The following RBFOX3 variants were observed in gnomAD, a reference collection of about 807,000 sequenced individuals.
RBFOX3 encodes the protein RNA binding fox-1 homolog 3, also known as RNA binding protein fox-1 homolog 3.
Under a neutral mutation model 48.7 loss-of-function variants are expected in RBFOX3, and 17 were observed. The observed-to-expected ratio is 0.35, with a 90% CI of 0.24 to 0.52. The LOEUF is 0.52. Ranked by LOEUF, RBFOX3 falls within the 20% of genes least tolerant of loss-of-function variation. The pLI, the probability that RBFOX3 is intolerant of heterozygous loss-of-function variation, is 0.94. For missense variants in RBFOX3, 382 were observed against 497.5 expected (o/e 0.77, Z 2.21); for synonymous variants, 212 against 209.5 (o/e 1.01, Z -0.10).
chr17:79,360,849 CAG>C (rs1188704161), intron 2 of RBFOX3, among the ~76,000 whole-genome samples: 5 of 136,360 alleles, frequency 3.7e-5, no homozygotes, highest in Non-Finnish European at 7.8e-5. Flanking sequence ...TTTTAAGAAA[CAG>C]ATTAAATTAT....
chr17:79,240,628 T>C (rs533482283), intron 3 of RBFOX3, among the ~76,000 whole-genome samples: 5 of 152,346 alleles, frequency 3.3e-5, no homozygotes, highest in Non-Finnish European at 7.3e-5. Context: ...GATACTCTGA[T>C]GTTTCTCCTG....
intron 2 of RBFOX3, among the ~76,000 whole-genome samples, chr17:79,349,396 G>A (rs901796242): frequency 2.0e-5 from 3 of 151,888 alleles, no homozygotes; most frequent in African/African-American, 7.3e-5. Context: ...GGGGGCCACT[G>A]CTATTGCTCC....
rs11658793 is a variant in RBFOX3, at chr17:79,205,505, C to T, written c.-34+30261G>A. ...TGGGAGCCTATAAAACCTCCCTAAC[C>T]CCCAGCTAAGACAGGAAATCAGAAA... On this transcript the variant is annotated intron_variant, in intron 4 of 14. Coordinates refer to ENST00000693108, the MANE Select transcript of RBFOX3 (RefSeq NM_001350451.2). This position sits in a 1 kb window ranked among gnomAD's most constrained non-coding sequence, Gnocchi z 4.5. Among the ~76,000 whole-genome samples the T allele has an allele frequency of 2.6e-5, 4 of 151,912 alleles. No individual in the cohort carries two copies. The highest frequency in any genetic ancestry group is 4.4e-5 in the Non-Finnish European group (3 of 67,970).
chr17:79,362,632 G>A lies in RBFOX3; in HGVS notation c.-174-54808C>T, dbSNP rs2086601747. On this transcript the variant is annotated intron_variant, in intron 2 of 14. Coordinates refer to ENST00000693108, the MANE Select transcript of RBFOX3 (RefSeq NM_001350451.2). The surrounding 1 kb of genome is among the most constrained non-coding windows in gnomAD (Gnocchi z 4.2). ...AAAGCTTGAATACCTGGCGCCCCAG[G>A]AAAATGAGAGCCGGCCTGCCGGGCA... is the stretch of plus-strand genomic sequence containing the variant. Among the ~76,000 whole-genome samples the A allele has an allele frequency of 6.6e-6, 1 of 152,194 alleles. No homozygotes were observed. Among genetic ancestry groups the A allele is most frequent in the South Asian group, 2.1e-4 (1 of 4,836 alleles).
chr17:79,157,231 G>C (rs73999877), intron 4 of RBFOX3, among the ~76,000 whole-genome samples: 4,265 of 152,204 alleles, frequency 0.028, 182 homozygotes, highest in African/African-American at 0.096. Context: ...CTGTCCTCAC[G>C]CTCCCTCTGC....
chr17:79,632,659 T>C, the RBFOX3 span, among the ~76,000 whole-genome samples: 1 of 151,616 alleles, frequency 6.6e-6, no homozygotes, highest in East Asian at 1.9e-4. Flanking sequence ...ATCCCAGCAC[T>C]TCCGGAGGCT....
intron 3 of RBFOX3, among the ~76,000 whole-genome samples, chr17:79,239,756 T>G (rs1487783842): frequency 2.0e-5 from 3 of 152,234 alleles, no homozygotes; most frequent in African/African-American, 7.2e-5. Context: ...GGGGCCACCA[T>G]GGACCAGAGG....
chr17:79,155,487 G>A (rs1170030154), intron 4 of RBFOX3, among the ~76,000 whole-genome samples: 1 of 152,236 alleles, frequency 6.6e-6, no homozygotes, highest in Admixed American at 6.5e-5. Context: ...AGTAAATGGT[G>A]CAATTTTGTC....
At chr17:79,646,284 TACAATGGAAGGTGTTGTCAGA>T in the RBFOX3 span, among the ~76,000 whole-genome samples, 1 of 152,162 alleles carries the variant, frequency 6.6e-6, no homozygotes, top group Non-Finnish European at 1.5e-5. Flanking sequence ...AAACAGATGG[TACAATGGAAGGTGTTGTCAGA>T]AAACGTGACA....
intron 4 of RBFOX3, among the ~76,000 whole-genome samples, chr17:79,226,624 C>T (rs1431438481): frequency 1.3e-5 from 2 of 152,202 alleles, no homozygotes; most frequent in Non-Finnish European, 2.9e-5. Context: ...AAATTCCAGA[C>T]CAGCCACTGT....
chr17:79,318,435 T>C (rs1380370817), intron 2 of RBFOX3, among the ~76,000 whole-genome samples: 1 of 152,106 alleles, frequency 6.6e-6, no homozygotes, highest in Non-Finnish European at 1.5e-5. Flanking sequence ...CCTTACACCA[T>C]ATGGCTCCCC....
chr17:79,457,757 G>A (rs948697460), intron 2 of RBFOX3, among the ~76,000 whole-genome samples: 2 of 152,256 alleles, frequency 1.3e-5, no homozygotes, highest in Non-Finnish European at 2.9e-5. Context: ...CCCTCAGGCA[G>A]CGAGTCCAGT....
intron 1 of RBFOX3, among the ~76,000 whole-genome samples, chr17:79,514,273 C>T (rs1293298355): frequency 2.0e-5 from 3 of 152,198 alleles, no homozygotes; most frequent in Non-Finnish European, 4.4e-5. Flanking sequence ...CAGCATGCAC[C>T]TCTGCAGTGG....
intron 4 of RBFOX3, among the ~76,000 whole-genome samples, chr17:79,192,797 C>T (rs945363816): frequency 2.6e-5 from 4 of 152,204 alleles, no homozygotes; most frequent in East Asian, 1.9e-4. Context: ...GGGTGGCCAG[C>T]GGCTAGCCCT....
intron 3 of RBFOX3, among the ~76,000 whole-genome samples, chr17:79,248,709 C>T (rs940040481): frequency 1.3e-5 from 2 of 152,166 alleles, no homozygotes; most frequent in East Asian, 1.9e-4. Flanking sequence ...ACAACCCTAT[C>T]GGGGGGTGCT....
At chr17:79,653,449 G>GA in the RBFOX3 span, among the ~76,000 whole-genome samples, 1 of 152,102 alleles carries the variant, frequency 6.6e-6, no homozygotes, top group Non-Finnish European at 1.5e-5. Context: ...CAACAAAAAA[G>GA]AAAAATGTTA....
intron 2 of RBFOX3, among the ~76,000 whole-genome samples, chr17:79,332,592 GAGAC>G (rs2080498640): frequency 6.6e-6 from 1 of 152,080 alleles, no homozygotes. Flanking sequence ...TAGAACCAGA[GAGAC>G]AGAGAGAACA....
chr17:79,440,581 G>A (rs1428242230), intron 2 of RBFOX3, among the ~76,000 whole-genome samples: 2 of 152,146 alleles, frequency 1.3e-5, no homozygotes, highest in African/African-American at 2.4e-5. Flanking sequence ...TTCCTCATTG[G>A]CCGTCCCCAC....
intron 2 of RBFOX3, among the ~76,000 whole-genome samples, chr17:79,436,929 G>A (rs1490341327): frequency 2.6e-5 from 4 of 152,138 alleles, no homozygotes; most frequent in African/African-American, 9.7e-5. Flanking sequence ...CGGGGAGCTG[G>A]GGCAGGAGGA....
Sources: allele counts gnomAD v4.1 joint callset (sites outside exome capture counted in the v4.1 genomes callset), GRCh38; gene constraint gnomAD v4.1.1; non-coding constraint Gnocchi (gnomAD v3.1); transcripts MANE v1.5; gene names NCBI Gene and HGNC (gene_info 2026-07-23, HGNC 2026-07-21).